The following TTC9C variants were observed in gnomAD, a reference collection of about 807,000 sequenced individuals.
TTC9C encodes the protein tetratricopeptide repeat domain 9C, also known as tetratricopeptide repeat protein 9C.
A neutral mutation model predicts 22.5 loss-of-function variants in TTC9C; 15 were observed. The ratio of observed to expected loss-of-function variants is 0.67; its 90% CI spans 0.45 to 1.03. The LOEUF (loss-of-function observed/expected upper bound fraction) is 1.03, where lower values mean the gene tolerates loss of function less well. TTC9C is among the 50% of genes least tolerant of loss of function. The pLI is 0.00. For synonymous variants in TTC9C, 92 were observed against 86.8 expected, an observed-to-expected ratio of 1.06 and a Z score of -0.33; for missense variants, 244 against 214.6, an observed-to-expected ratio of 1.14 and a Z score of -0.86.
chr11:62,736,401 T>G (rs2083912840), intron 2 of TTC9C, among the ~76,000 whole-genome samples: 1 of 150,454 alleles, frequency 6.6e-6, no homozygotes, highest in South Asian at 2.1e-4. Context: ...AATACAAAAA[T>G]CAGCCGGGTG....
intron 2 of TTC9C, among the ~76,000 whole-genome samples, chr11:62,736,694 G>C (rs2083916706): frequency 7.1e-6 from 1 of 140,544 alleles, no homozygotes; most frequent in Admixed American, 7.0e-5. Context: ...GCTCCGTCTC[G>C]GAAAAAAAAA....
intron 1 of TTC9C, 115 bp downstream of exon 1, chr11:62,729,201 CTGCCA>C: frequency 1.1e-6 from 1 of 893,758 alleles, no homozygotes; most frequent in Non-Finnish European, 1.7e-6. Flanking sequence ...TCCATTTATT[CTGCCA>C]TGAATTGGAA....
chr11:62,729,733 G>A (rs1295093867), intron 1 of TTC9C, among the ~76,000 whole-genome samples: 1 of 151,906 alleles, frequency 6.6e-6, no homozygotes, highest in Non-Finnish European at 1.5e-5. Context: ...GCGCCACCAT[G>A]CCCAGCTAAT....
intron 1 of TTC9C, among the ~76,000 whole-genome samples, chr11:62,733,975 G>C (rs1389394151): frequency 6.6e-6 from 1 of 151,844 alleles, no homozygotes; most frequent in East Asian, 1.9e-4. Flanking sequence ...CTGCACGACA[G>C]AGCGAGACCT....
Position 62,738,483 on chromosome 11 carries a change from T to G in TTC9C, c.*101T>G. 2.6e-6 allele frequency: 2 copies of G among 758,940 alleles called. No individual in the cohort carries two copies. The highest frequency in any genetic ancestry group is 4.3e-6 in the Non-Finnish European group (2 of 467,062). The allele number at this position is 758,940 out of a possible 1,614,324, so 47.0% of individuals were successfully genotyped here. On this transcript the variant is annotated 3_prime_UTR_variant, in exon 3 of 3. Coordinates refer to ENST00000316461, the MANE Select transcript of TTC9C (RefSeq NM_173810.4). ...GCAAGAGAAATTAACCCTATACCTCTGACCCAGGTGGATTTTTGTTTCTAG... is the reference window on the plus strand; with the variant it reads ...GCAAGAGAAATTAACCCTATACCTCGGACCCAGGTGGATTTTTGTTTCTAG...
At chr11:62,728,393 G>T (rs1458322613), upstream of TTC9C, 4 of 387,992 alleles carry the variant, frequency 1.0e-5, no homozygotes, top group Non-Finnish European at 2.0e-5. Flanking sequence ...AGTTAGAATT[G>T]CTTGAAGCCC....
chr11:62,731,989 CTTTTTTTTTTTTT>C (rs58705402), intron 1 of TTC9C, among the ~76,000 whole-genome samples: 2 of 63,228 alleles, frequency 3.2e-5, no homozygotes, highest in Non-Finnish European at 5.9e-5. Context: ...CTGGTCAGCA[CTTTTTTTTTTTTT>C]TTTTTTTTTT....
chr11:62,733,207 T>G lies in TTC9C; in HGVS notation c.239-2175T>G, dbSNP rs1355850503. On this transcript the variant is annotated intron_variant, in intron 1 of 2. Transcript: ENST00000316461. ...GAATTGACTCCTCTGCAGGTTTGTA[T>G]TTCAAGGTCCCATTAAGTCATCCAA... The G allele has an allele frequency of 2.4e-6, 3 of 1,268,282 alleles. No individual in the cohort carries two copies. The East Asian group carries it at 1.7e-4, about 73-fold the overall frequency. The allele number at this position is 1,268,282 out of a possible 1,614,324, so 78.6% of individuals were successfully genotyped here.
chr11:62,730,842 G>C (rs2083840122), intron 1 of TTC9C, among the ~76,000 whole-genome samples: 1 of 151,688 alleles, frequency 6.6e-6, no homozygotes, highest in Non-Finnish European at 1.5e-5. Flanking sequence ...CAAAGTGCTG[G>C]GATTACAGGC....
At chr11:62,737,593 T>G (rs1319609430) in intron 2 of TTC9C, among the ~76,000 whole-genome samples, 1 of 152,224 alleles carries the variant, frequency 6.6e-6, no homozygotes, top group Admixed American at 6.5e-5. Flanking sequence ...AAAGCCATTA[T>G]GAATTAATAA....
Position 62,728,952 on chromosome 11 carries a change from T to G in TTC9C, c.104T>G (p.Leu35Arg). 1 of 1,614,192 alleles carries G rather than the reference T, an allele frequency of 6.2e-7. No individual in the cohort carries two copies. The highest frequency in any genetic ancestry group is 8.5e-7 in the Non-Finnish European group (1 of 1,180,020). ...GCTGTGAGTAGGTACCATCGAGCTC[T>G]GCTTCAGCTGCGGGGTCTGGATCCG... The part of the protein sequence containing the change: ...RDAVSRYHRA[L>R]LQLRGLDPSL... The change falls in exon 1 of 3, where the codon CTG becomes CGG. Residue 35 changes from leucine to arginine, a missense_variant. Leu to Arg is a moderately radical substitution (Grantham distance 102). Transcript: ENST00000316461.
chr11:62,733,682 C>T (rs879375642), intron 1 of TTC9C, among the ~76,000 whole-genome samples: 2 of 151,740 alleles, frequency 1.3e-5, no homozygotes, highest in Admixed American at 1.3e-4. Flanking sequence ...CGGCTCACTG[C>T]ATATCTAATT....
At chr11:62,729,835 C>T (rs2083826333) in intron 1 of TTC9C, among the ~76,000 whole-genome samples, 1 of 152,104 alleles carries the variant, frequency 6.6e-6, no homozygotes, top group Admixed American at 6.6e-5. Context: ...CTCTACCTTC[C>T]AAGGTGCTGG....
chr11:62,733,126 T>C, intron 1 of TTC9C: 1 of 1,288,128 alleles, frequency 7.8e-7, no homozygotes, highest in Non-Finnish European at 1.0e-6. Context: ...AGTTGTGAAA[T>C]AGGGAGTGTT....
chr11:62,728,050 T>TTTC (rs59264888), upstream of TTC9C: 21,562 of 148,464 alleles, frequency 0.15, 1,716 homozygotes, highest in Non-Finnish European at 0.21. Flanking sequence ...TTTTTTTTTT[T>TTTC]CCCAGGTTGG....
At chr11:62,735,139 C>T (rs1032367641) in intron 1 of TTC9C, among the ~76,000 whole-genome samples, 1 of 152,088 alleles carries the variant, frequency 6.6e-6, no homozygotes. Flanking sequence ...GGTGATCCAC[C>T]CGTCTCGGCC....
intron 1 of TTC9C, chr11:62,733,146 A>G (rs2083871860): frequency 1.6e-6 from 2 of 1,288,710 alleles, no homozygotes; most frequent in South Asian, 1.2e-5. Context: ...TTCCCTTCTT[A>G]ATCATAAAAA....
intron 1 of TTC9C, 69 bp downstream of exon 1, chr11:62,729,155 G>A (rs2083811416): frequency 1.3e-5 from 18 of 1,418,644 alleles, no homozygotes; most frequent in Non-Finnish European, 1.7e-5. Context: ...GAACATTGGG[G>A]GAAAAAACGC....
rs1003301464 is a variant in TTC9C at position 62,728,541 on chromosome 11, T to C, written c.-308T>C. 1.9e-6 allele frequency: 1 copy of C among 512,922 alleles called. No individual in the cohort carries two copies. The highest frequency in any genetic ancestry group is 3.8e-6 in the Non-Finnish European group (1 of 264,844). The allele number at this position is 512,922 out of a possible 1,614,324, so 31.8% of individuals were successfully genotyped here. A position where few individuals can be genotyped will look rare whatever the true frequency, so the allele number is the denominator to read the frequency against. ...ATTCCTGAGTAGGGCCTTGCTTGAG[T>C]TCTTCGGAAAGTCTCATCCACCCCC... On this transcript the variant is annotated 5_prime_UTR_variant, in exon 1 of 3. Coordinates refer to ENST00000316461, the MANE Select transcript of TTC9C (RefSeq NM_173810.4).
Sources: allele counts gnomAD v4.1 joint callset (sites outside exome capture counted in the v4.1 genomes callset), GRCh38; gene constraint gnomAD v4.1.1; transcripts MANE v1.5; gene names NCBI Gene and HGNC (gene_info 2026-07-23, HGNC 2026-07-21).